Variants in DHX15 observed in about 807,000 individuals in gnomAD.
DHX15 encodes DEAH-box helicase 15.
Under a neutral mutation model 94.4 loss-of-function variants are expected in DHX15, and 11 were observed. That is an observed-to-expected ratio of 0.12 (90% CI 0.07 to 0.19). DHX15 has a LOEUF of 0.19. Among genes scored for constraint, DHX15 ranks in the 10% least tolerant of loss-of-function variants. The pLI is 1.00. For missense variants in DHX15, 304 were observed against 988.5 expected (o/e 0.31, Z 9.29); for synonymous variants, 338 against 329.9 (o/e 1.02, Z -0.27).
rs755146374 is a variant in DHX15 at position 24,537,236 on chromosome 4, T to C, written c.1787-63A>G. ...TATCGATGAGTCACGCATTCACAGA[T>C]AGAGGAACAAGGCCTAGCTAGGTCA... On this transcript the variant is annotated intron_variant, in intron 10 of 13. Coordinates refer to ENST00000336812, the MANE Select transcript of DHX15 (RefSeq NM_001358.3). This position sits in a 1 kb window ranked among gnomAD's most constrained non-coding sequence, Gnocchi z 4.7. The C allele has an allele frequency of 1.9e-6, 3 of 1,604,462 alleles. No individual in the cohort carries two copies. Among genetic ancestry groups the C allele is most frequent in the East Asian group, 2.2e-5 (1 of 44,642 alleles).
chr4:24,551,390 G>A (rs1381836723), intron 5 of DHX15, among the ~76,000 whole-genome samples: 1 of 152,044 alleles, frequency 6.6e-6, no homozygotes, highest in East Asian at 1.9e-4. Context: ...ATGTCCAACT[G>A]TGTCTCTATA....
At chr4:24,567,626 C>A (rs1365014033) in intron 3 of DHX15, among the ~76,000 whole-genome samples, 3 of 151,758 alleles carry the variant, frequency 2.0e-5, no homozygotes, top group Non-Finnish European at 4.4e-5. Context: ...TTCTTAAAAT[C>A]CACTGCAAAA....
At chr4:24,540,720 T>A in intron 9 of DHX15, 120 bp downstream of exon 9, 1 of 556,760 alleles carries the variant, frequency 1.8e-6, no homozygotes, top group Non-Finnish European at 3.2e-6. Flanking sequence ...TTAATCTTGA[T>A]GCATACTGGA....
intron 3 of DHX15, among the ~76,000 whole-genome samples, chr4:24,556,790 T>TCA (rs1721746088): frequency 6.6e-6 from 1 of 152,170 alleles, no homozygotes; most frequent in Non-Finnish European, 1.5e-5. Context: ...AATAAACCAT[T>TCA]TTAAGTTGCT....
chr4:24,580,487 CATG>C (rs1286581105), intron 1 of DHX15, among the ~76,000 whole-genome samples: 1 of 150,450 alleles, frequency 6.6e-6, no homozygotes, highest in African/African-American at 2.4e-5. Flanking sequence ...TCATCAAAAT[CATG>C]ATATTTTAAA....
intron 8 of DHX15, 26 bp from the exon 9 acceptor site, chr4:24,540,974 G>A (rs1301501790): frequency 6.9e-7 from 1 of 1,446,990 alleles, no homozygotes; most frequent in African/African-American, 1.4e-5. Context: ...AACATTTATT[G>A]GTTATGTTAA....
In DHX15 at chr4:24,576,644, G is replaced by A. The variant is rs751138616; in HGVS notation, c.106C>T (p.Arg36Trp). ...CGTTCTCGGTCTCGATCTTTAGACCGATCTTCACGATCCCGGTCTCGATCT... is the reference window on the plus strand; with the variant it reads ...CGTTCTCGGTCTCGATCTTTAGACCAATCTTCACGATCCCGGTCTCGATCT... ...DRDRDRDRED[R>W]SKDRDRERDR... Residue 36 changes from arginine to tryptophan, a missense_variant, in exon 2 of 14, where the codon CGG becomes TGG. Around this residue, in one of 9 missense-constraint regions of DHX15, gnomAD observed 143 missense variants for 200.5 expected, o/e 0.71. Transcript: ENST00000336812. The A allele has an allele frequency of 8.7e-6, 14 of 1,613,210 alleles. No individual in the cohort carries two copies. The highest frequency in any genetic ancestry group is 1.7e-5 in the Admixed American group (1 of 59,958).
intron 5 of DHX15, among the ~76,000 whole-genome samples, chr4:24,552,728 A>C (rs2109405382): frequency 6.6e-6 from 1 of 152,288 alleles, no homozygotes; most frequent in Middle Eastern, 3.4e-3. Flanking sequence ...TCTCCCCAAA[A>C]CTCTTCAAAT....
rs193193226 is a variant in DHX15 at position 24,527,793 on chromosome 4, T to C, written c.*131A>G. 77 of 602,360 alleles carry C rather than the reference T, an allele frequency of 1.3e-4. No individual in the cohort carries two copies. Among genetic ancestry groups the C allele is most frequent in the African/African-American group, 1.1e-3 (58 of 54,478 alleles). 37.3% of individuals were successfully genotyped at this position (602,360 alleles called of 1,614,324 possible). A position where few individuals can be genotyped will look rare whatever the true frequency, so the allele number is the denominator to read the frequency against. On this transcript the variant is annotated 3_prime_UTR_variant, in exon 14 of 14. Coordinates refer to ENST00000336812, the MANE Select transcript of DHX15 (RefSeq NM_001358.3). ...TATGAAATCAGAATGGAATATTTAC[T>C]GTAAAGAAAAATTAAAAAGCTTTCA...
chr4:24,556,281 C>T lies in DHX15; in HGVS notation c.831G>A (p.Lys277=). The change falls in exon 4 of 14, where the codon AAG becomes AAA. Residue 277 remains lysine, a synonymous_variant. Coordinates refer to ENST00000336812, the MANE Select transcript of DHX15 (RefSeq NM_001358.3). ...LATDILMGVL[K]EVVRQRSDLK... is the part of the protein sequence containing the mutation. Reference sequence around the variant, plus strand: ...AATCTGATCTCTGTCTTACAACTTCCTTCAGAACACCCATTAGAATATCTG... The same window carrying T: ...AATCTGATCTCTGTCTTACAACTTCTTTCAGAACACCCATTAGAATATCTG... 6.2e-7 allele frequency: 1 copy of T among 1,613,668 alleles called. No homozygotes were observed. The highest frequency in any genetic ancestry group is 8.5e-7 in the Non-Finnish European group (1 of 1,179,714).
chr4:24,530,142 G>A, intron 12 of DHX15: 1 of 286,106 alleles, frequency 3.5e-6, no homozygotes, highest in Non-Finnish European at 6.6e-6. Flanking sequence ...TGCTCCAAGA[G>A]CAGGCAGTGT....
At position 24,565,202 on chromosome 4, in the gene DHX15, C is replaced by G. The variant is rs572680358; in HGVS notation, c.701+5452G>C. 5.3e-5 allele frequency among the ~76,000 whole-genome samples: 8 copies of G among 152,288 alleles called. No individual in the cohort carries two copies. The East Asian group carries it at 1.5e-3, about 29-fold the overall frequency. On this transcript the variant is annotated intron_variant, in intron 3 of 13. Transcript: ENST00000336812. ...ATTGGCACTGTATAAACAAAGAGAG[C>G]CTTCTCTATCTAATCCTCACAAATA... is the stretch of plus-strand genomic sequence containing the variant.
At chr4:24,533,871 G>GAAAAC (rs1377268461) in intron 11 of DHX15, 1 of 152,190 alleles carries the variant, frequency 6.6e-6, no homozygotes, top group Non-Finnish European at 1.5e-5. Flanking sequence ...ATGGGAGAGA[G>GAAAAC]AAAACAAAAA....
chr4:24,537,102 T>C lies in DHX15; in HGVS notation c.1858A>G (p.Ile620Val). The C allele has an allele frequency of 6.2e-7, 1 of 1,613,972 alleles. No individual in the cohort carries two copies. The highest frequency in any genetic ancestry group is 8.5e-7 in the Non-Finnish European group (1 of 1,179,892). ...AGCAGTGTCAGATGATCTCCATCTA[T>C]GTGGGCAAATCTCATCTTGGCCTCA... ...ADEAKMRFAH[I>V]DGDHLTLLNV... The change falls in exon 11 of 14, where the codon ATA becomes GTA. Residue 620 changes from isoleucine (I) to valine (V), a missense_variant. By Grantham distance (29) the Ile-to-Val change is conservative. Coordinates refer to ENST00000336812, the MANE Select transcript of DHX15 (RefSeq NM_001358.3). The surrounding 1 kb of genome is among the most constrained non-coding windows in gnomAD (Gnocchi z 4.7).
Position 24,529,517 on chromosome 4 carries a change from G to C in DHX15, c.2270+84C>G, listed in dbSNP as rs1300170508. 5.1e-6 allele frequency: 6 copies of C among 1,187,840 alleles called. No individual in the cohort carries two copies. The East Asian group carries it at 1.4e-4, about 28-fold the overall frequency. 73.6% of individuals were successfully genotyped at this position (1,187,840 alleles called of 1,614,324 possible). ...AAATATAAATTCTCAATGAGTGAAT[G>C]CAAGGCCATGACTCTAGCAACAGTC... On this transcript the variant is annotated intron_variant, in intron 13 of 13. Transcript: ENST00000336812.
intron 5 of DHX15, among the ~76,000 whole-genome samples, chr4:24,553,013 T>A (rs577643437): frequency 7.9e-5 from 12 of 152,356 alleles, no homozygotes; most frequent in Non-Finnish European, 1.8e-4. Flanking sequence ...ATGACAATTT[T>A]AAATAGTGAT....
At chr4:24,583,558 T>C (rs1422796507) in intron 1 of DHX15, among the ~76,000 whole-genome samples, 2 of 151,918 alleles carry the variant, frequency 1.3e-5, no homozygotes, top group African/African-American at 4.8e-5. Flanking sequence ...ATACAGGAGA[T>C]GGCGGGAGCG....
intron 11 of DHX15, among the ~76,000 whole-genome samples, 194 bp downstream of exon 11, chr4:24,536,857 T>G (rs774748375): frequency 6.6e-5 from 10 of 151,958 alleles, no homozygotes; most frequent in Non-Finnish European, 1.5e-4. Context: ...CTTTATCCCC[T>G]GATTATAAAC....
At chr4:24,584,117 C>A in intron 1 of DHX15, 1 of 581,990 alleles carries the variant, frequency 1.7e-6, no homozygotes, top group Non-Finnish European at 3.0e-6. Context: ...CTGGGCTGGG[C>A]AGCGGCCCCG....
Sources: allele counts gnomAD v4.1 joint callset (sites outside exome capture counted in the v4.1 genomes callset), GRCh38; gene constraint gnomAD v4.1.1; regional missense constraint gnomAD v4.1.1; non-coding constraint Gnocchi (gnomAD v3.1); transcripts MANE v1.5; gene names NCBI Gene and HGNC (gene_info 2026-07-23, HGNC 2026-07-21).